RPRD2: variants seen among roughly 807,000 people sequenced by gnomAD.
The protein encoded by RPRD2 is regulation of nuclear pre-mRNA domain containing 2, also known as regulation of nuclear pre-mRNA domain-containing protein 2.
In RPRD2, 12 loss-of-function variants were observed where a neutral mutation model predicts 104.4. The observed-to-expected ratio is 0.11, with a 90% CI of 0.07 to 0.19. The LOEUF is 0.19. Ranked by LOEUF, RPRD2 falls within the 10% of genes least tolerant of loss-of-function variation. The pLI is 1.00. For synonymous variants in RPRD2, 714 were observed against 684.9 expected (o/e 1.04, Z -0.66); for missense variants, 1,543 against 1,790.1 (o/e 0.86, Z 2.49).
chr1:150,403,143 G>T (rs1240570002), intron 1 of RPRD2, among the ~76,000 whole-genome samples: 4 of 152,092 alleles, frequency 2.6e-5, no homozygotes, highest in African/African-American at 9.7e-5. Context: ...TGAAAAGTAA[G>T]CTACCCTTCA....
intron 1 of RPRD2, among the ~76,000 whole-genome samples, chr1:150,401,878 C>T (rs187080438): frequency 0.017 from 2,634 of 151,158 alleles, 23 homozygotes; most frequent in Non-Finnish European, 0.027. Context: ...CTCCTGACCT[C>T]GTGATCCGCC....
chr1:150,423,818 G>A (rs760689174), intron 2 of RPRD2, among the ~76,000 whole-genome samples: 6 of 148,892 alleles, frequency 4.0e-5, no homozygotes, highest in Admixed American at 6.7e-5. Context: ...TTGAGACAGA[G>A]TTTCGCTCTT....
intron 2 of RPRD2, among the ~76,000 whole-genome samples, chr1:150,436,397 C>T (rs1401417332): frequency 3.4e-5 from 5 of 145,996 alleles, no homozygotes; most frequent in Admixed American, 2.1e-4. Flanking sequence ...GTCGGGAGAT[C>T]GAGACCATCC....
intron 1 of RPRD2, among the ~76,000 whole-genome samples, chr1:150,368,612 C>T (rs150839294): frequency 0.015 from 2,263 of 152,006 alleles, 49 homozygotes; most frequent in African/African-American, 0.052. Flanking sequence ...TACAGGCATG[C>T]GCCACCATGC....
chr1:150,396,797 T>C (rs1553884310), intron 1 of RPRD2, among the ~76,000 whole-genome samples: 1 of 151,948 alleles, frequency 6.6e-6, no homozygotes, highest in East Asian at 1.9e-4. Context: ...AACTATACTC[T>C]AAGGTCATAG....
intron 7 of RPRD2, among the ~76,000 whole-genome samples, chr1:150,452,318 G>A (rs1461711738): frequency 6.6e-6 from 1 of 152,130 alleles, no homozygotes; most frequent in Non-Finnish European, 1.5e-5. Context: ...TCTGCCCAGT[G>A]TCAGAGAGAG....
At chr1:150,432,892 ACCTAAG>A (rs1235761020) in intron 2 of RPRD2, among the ~76,000 whole-genome samples, 3 of 151,934 alleles carry the variant, frequency 2.0e-5, no homozygotes, top group African/African-American at 7.3e-5. Flanking sequence ...TGGGAGGATC[ACCTAAG>A]CCTGGGAGAT....
chr1:150,401,651 GT>G (rs1305874614), intron 1 of RPRD2, among the ~76,000 whole-genome samples: 4 of 144,840 alleles, frequency 2.8e-5, no homozygotes, highest in East Asian at 2.1e-4. Flanking sequence ...GTTTTGTTTT[GT>G]TTTTTTTTTG....
intron 9 of RPRD2, among the ~76,000 whole-genome samples, chr1:150,462,485 A>G (rs1668004567): frequency 6.6e-6 from 1 of 151,976 alleles, no homozygotes; most frequent in South Asian, 2.1e-4. Context: ...TGTAAATTAT[A>G]AAAATTTTAT....
chr1:150,415,858 T>C (rs1002584477), intron 1 of RPRD2, among the ~76,000 whole-genome samples: 3 of 152,188 alleles, frequency 2.0e-5, no homozygotes, highest in Admixed American at 2.0e-4. Context: ...ACATTTTTTG[T>C]GACAAGATAA....
chr1:150,471,912 A>C lies in RPRD2; in HGVS notation c.2964A>C (p.Pro988=). ...QNTLAAPTGH[P]PTSGVEKVLA... is the part of the protein sequence containing the mutation. ...CCCTTGCCGCTCCCACGGGTCACCC[A>C]CCCACGTCAGGCGTGGAGAAAGTCC... The change falls in exon 11 of 11, where the codon CCA becomes CCC. Residue 988 remains proline (P), a synonymous_variant. Coordinates refer to ENST00000369068, the MANE Select transcript of RPRD2 (RefSeq NM_015203.5). This position sits in a 1 kb window ranked among gnomAD's most constrained non-coding sequence, Gnocchi z 5.3. 6.2e-7 allele frequency: 1 copy of C among 1,613,828 alleles called. No individual in the cohort carries two copies. The highest frequency in any genetic ancestry group is 8.5e-7 in the Non-Finnish European group (1 of 1,179,850).
intron 1 of RPRD2, among the ~76,000 whole-genome samples, chr1:150,413,682 T>G (rs1378781585): frequency 1.3e-5 from 2 of 151,946 alleles, no homozygotes; most frequent in Non-Finnish European, 2.9e-5. Context: ...TCTCAGCACT[T>G]TGGGAGGCCA....
At chr1:150,461,976 CA>C (rs71578498) in intron 9 of RPRD2, among the ~76,000 whole-genome samples, 33,037 of 145,668 alleles carry the variant, frequency 0.23, 4,117 homozygotes, top group African/African-American at 0.33. Context: ...TACTCCGTCT[CA>C]AAAAAAAACA....
chr1:150,374,117 C>T (rs1660532116), intron 1 of RPRD2, among the ~76,000 whole-genome samples: 1 of 152,106 alleles, frequency 6.6e-6, no homozygotes, highest in African/African-American at 2.4e-5. Context: ...GACTTTCCGC[C>T]CTACCATCTA....
At chr1:150,463,282 G>A (rs1031153816) in intron 9 of RPRD2, among the ~76,000 whole-genome samples, 5 of 152,054 alleles carry the variant, frequency 3.3e-5, no homozygotes, top group Admixed American at 6.6e-5. Flanking sequence ...CTGTGATCAC[G>A]CCTGTGAATG....
intron 1 of RPRD2, among the ~76,000 whole-genome samples, chr1:150,398,494 C>T (rs1231164263): frequency 2.0e-5 from 3 of 151,764 alleles, no homozygotes; most frequent in Non-Finnish European, 4.4e-5. Flanking sequence ...CCGTGCCTGG[C>T]CTATTTTATT....
At chr1:150,466,633 T>A (rs1200766040) in intron 10 of RPRD2, among the ~76,000 whole-genome samples, 2 of 152,024 alleles carry the variant, frequency 1.3e-5, no homozygotes, top group Non-Finnish European at 2.9e-5. Flanking sequence ...TTATTTTATT[T>A]ATTATTTTAT....
chr1:150,405,118 T>TA (rs1480411420), intron 1 of RPRD2, among the ~76,000 whole-genome samples: 1 of 152,196 alleles, frequency 6.6e-6, no homozygotes, highest in Non-Finnish European at 1.5e-5. Flanking sequence ...TATGGTTTGT[T>TA]ACAGATTTTT....
In RPRD2 at chr1:150,417,488, GAA is replaced by G. The variant is rs11362082; in HGVS notation, c.206-99_206-98del. 70 of 783,948 alleles carry G rather than the reference GAA, an allele frequency of 8.9e-5. No homozygotes were observed. The Middle Eastern group carries it at 1.0e-3, about 12-fold the overall frequency. 48.6% of individuals were successfully genotyped at this position (783,948 alleles called of 1,614,324 possible). On this transcript the variant is annotated intron_variant, in intron 1 of 10. Coordinates refer to ENST00000369068, the MANE Select transcript of RPRD2 (RefSeq NM_015203.5). ...CATTCATCTTTTTATATCCATGTAA[GAA>G]AAAAAAAATAACCAGTTACAGTTTG... is the stretch of plus-strand genomic sequence containing the variant.
Sources: gnomAD v4.1 joint callset for allele counts (sites outside exome capture counted in the v4.1 genomes callset) on GRCh38, gnomAD v4.1.1 for gene constraint, Gnocchi (gnomAD v3.1) non-coding constraint, MANE v1.5 for transcripts, NCBI Gene and HGNC (gene_info 2026-07-23, HGNC 2026-07-21) for gene names.